The following ADCY10 variants were observed in gnomAD, a reference collection of about 807,000 sequenced individuals.
The protein encoded by ADCY10 is adenylate cyclase type 10.
In ADCY10, 156 loss-of-function variants were observed where a neutral mutation model predicts 183.3. The observed-to-expected ratio is 0.85, with a 90% CI of 0.75 to 0.97. The LOEUF (loss-of-function observed/expected upper bound fraction) is 0.97, where lower values mean the gene tolerates loss of function less well. Among genes scored for constraint, ADCY10 ranks in the 50% least tolerant of loss-of-function variants. The pLI, the probability that ADCY10 is intolerant of heterozygous loss-of-function variation, is 0.00. For synonymous variants in ADCY10, 645 were observed against 670.0 expected (o/e 0.96, Z 0.58); for missense variants, 1,745 against 1,934.3 (o/e 0.90, Z 1.84).
rs1184707974 is a variant in ADCY10 at position 167,824,500 on chromosome 1, C to T, written c.4028G>A (p.Ser1343Asn). 3 of 1,614,186 alleles carry T rather than the reference C, an allele frequency of 1.9e-6. No homozygotes were observed. The highest frequency in any genetic ancestry group is 2.5e-6 in the Non-Finnish European group (3 of 1,180,022). The change falls in exon 28 of 33, where the codon AGC becomes AAC. Residue 1343 changes from serine (S) to asparagine (N), a missense_variant. Physicochemically the swap from Ser to Asn is conservative, Grantham distance 46. Transcript: ENST00000367851. ...NRHYQSLCRLSRCLLLNSRYP... is the reference protein window; with the variant it reads ...NRHYQSLCRLNRCLLLNSRYP... The stretch of plus-strand genomic sequence containing the variant: ...CCTGCTGTTCAGAAGGAGACATCTG[C>T]TAAGTCTGCAGAGGGACTGATAATG...
At chr1:167,832,170 G>T (rs1229767602) in intron 25 of ADCY10, among the ~76,000 whole-genome samples, 1 of 152,164 alleles carries the variant, frequency 6.6e-6, no homozygotes, top group Admixed American at 6.5e-5. Flanking sequence ...TAGCTACAGA[G>T]CTCCCCCAAG....
At chr1:167,821,712 C>A (rs116736441) in intron 30 of ADCY10, among the ~76,000 whole-genome samples, 79 of 152,330 alleles carry the variant, frequency 5.2e-4, no homozygotes, top group African/African-American at 1.8e-3. Context: ...ATTCATTAGT[C>A]TTCCTCAAAC....
chr1:167,819,966 C>T (rs1224136348), intron 30 of ADCY10: 3 of 1,320,014 alleles, frequency 2.3e-6, no homozygotes. Flanking sequence ...CTGTATTCTT[C>T]CATTGTTTTG....
chr1:167,847,398 T>C lies in ADCY10; in HGVS notation c.2437+963A>G, dbSNP rs1333347382. 4.1e-5 allele frequency among the ~76,000 whole-genome samples: 6 copies of C among 144,678 alleles called. No homozygotes were observed. In the East Asian group the frequency reaches 1.2e-3, roughly 30 times the overall value. 94.9% of individuals were successfully genotyped at this position (144,678 alleles called of 152,430 possible). A position where few individuals can be genotyped will look rare whatever the true frequency, so the allele number is the denominator to read the frequency against. On this transcript the variant is annotated intron_variant, in intron 19 of 32. Coordinates refer to ENST00000367851, the MANE Select transcript of ADCY10 (RefSeq NM_018417.6). ...AAGTCATTTTTCTTTAAAAGAATAA[T>C]AATACATCTTTCTTTCTTTCTTTCT...
intron 21 of ADCY10, among the ~76,000 whole-genome samples, chr1:167,843,408 T>C (rs1664793848): frequency 6.6e-6 from 1 of 152,152 alleles, no homozygotes; most frequent in African/African-American, 2.4e-5. Context: ...TCAAATATTC[T>C]TCTTTCCCCT....
chr1:167,863,186 C>A (rs1053902405), intron 14 of ADCY10, among the ~76,000 whole-genome samples: 7 of 152,164 alleles, frequency 4.6e-5, no homozygotes, highest in African/African-American at 1.7e-4. Flanking sequence ...AGGAACCAGA[C>A]CCGAAACCAG....
intron 21 of ADCY10, among the ~76,000 whole-genome samples, chr1:167,840,394 T>C (rs1664535568): frequency 6.7e-6 from 1 of 150,076 alleles, no homozygotes; most frequent in Non-Finnish European, 1.5e-5. Flanking sequence ...TTTCACTCTG[T>C]TGCCTAGGCT....
chr1:167,835,068 G>C (rs1664093326), intron 23 of ADCY10, among the ~76,000 whole-genome samples: 1 of 152,126 alleles, frequency 6.6e-6, no homozygotes, highest in Non-Finnish European at 1.5e-5. Flanking sequence ...AAGGTAGGAG[G>C]GTTGATTAGG....
At position 167,824,768 on chromosome 1, in the gene ADCY10, C is replaced by G. The variant is rs1350184287; in HGVS notation, c.3838G>C (p.Glu1280Gln). ...VWFKYEVMAMEHIFNLPLKGE... is the reference protein window; with the variant it reads ...VWFKYEVMAMQHIFNLPLKGE... ...TTCAGGGGGAGGTTGAAGATGTGCTCCATGGCCATGACTTCATATTTGAAC... is the reference window on the plus strand; with the variant it reads ...TTCAGGGGGAGGTTGAAGATGTGCTGCATGGCCATGACTTCATATTTGAAC... The change falls in exon 27 of 33, where the codon GAG becomes CAG. Residue 1280 changes from glutamate to glutamine, a missense_variant. Glu to Gln is a conservative substitution (Grantham distance 29). Coordinates refer to ENST00000367851, the MANE Select transcript of ADCY10 (RefSeq NM_018417.6). 6.2e-7 allele frequency: 1 copy of G among 1,614,176 alleles called. No individual in the cohort carries two copies. The highest frequency in any genetic ancestry group is 1.3e-5 in the African/African-American group (1 of 75,040).
At chr1:167,887,121 T>C (rs954296335) in intron 8 of ADCY10, among the ~76,000 whole-genome samples, 1 of 152,116 alleles carries the variant, frequency 6.6e-6, no homozygotes, top group Non-Finnish European at 1.5e-5. Flanking sequence ...GTTCAACCAT[T>C]GTGGAAGACA....
chr1:167,855,249 G>A (rs112508155), intron 17 of ADCY10, among the ~76,000 whole-genome samples: 20 of 152,232 alleles, frequency 1.3e-4, no homozygotes, highest in African/African-American at 4.8e-4. Context: ...GAACCCGGGA[G>A]GTGGAGGTTG....
intron 19 of ADCY10, among the ~76,000 whole-genome samples, chr1:167,847,646 T>G (rs758652860): frequency 5.3e-5 from 8 of 152,100 alleles, no homozygotes; most frequent in Non-Finnish European, 1.0e-4. Context: ...TCTCTAGAAC[T>G]TCTGACCTCA....
intron 1 of ADCY10, among the ~76,000 whole-genome samples, chr1:167,912,792 G>A (rs1670236200): frequency 6.6e-6 from 1 of 152,134 alleles, no homozygotes; most frequent in African/African-American, 2.4e-5. Context: ...TCCACTCATC[G>A]GAGCCGTATC....
intron 12 of ADCY10, among the ~76,000 whole-genome samples, chr1:167,877,083 T>G (rs1262710399): frequency 6.6e-6 from 1 of 151,964 alleles, no homozygotes; most frequent in Non-Finnish European, 1.5e-5. Flanking sequence ...TGTTTATTTT[T>G]GCACACCACT....
chr1:167,904,132 G>A (rs1669657877), intron 2 of ADCY10, 141 bp from the exon 3 acceptor site: 1 of 581,214 alleles, frequency 1.7e-6, no homozygotes, highest in Admixed American at 3.0e-5. Flanking sequence ...TTGTAGCCCA[G>A]GCTGGAGGGC....
At chr1:167,853,090 G>GT (rs1358850574) in intron 18 of ADCY10, among the ~76,000 whole-genome samples, 13 of 152,086 alleles carry the variant, frequency 8.5e-5, no homozygotes, top group Non-Finnish European at 1.2e-4. Context: ...TTATTGCACC[G>GT]TATTCACCTC....
Position 167,821,448 on chromosome 1 carries a change from GTCTC to G in ADCY10, c.4286+572_4286+575del, listed in dbSNP as rs568188880. On this transcript the variant is annotated intron_variant, in intron 30 of 32. Transcript: ENST00000367851. ...ATTGGGCAAGTATAACTCAGTCCGT[GTCTC>G]TCTCTATCTTGAGAGCCAGTGAAGC... Among the ~76,000 whole-genome samples the G allele has an allele frequency of 5.1e-4, 77 of 152,324 alleles. 2 individuals carry two copies. Among genetic ancestry groups the G allele is most frequent in the African/African-American group, 1.8e-3 (73 of 41,564 alleles).
At chr1:167,868,758 A>T (rs1206254776) in intron 14 of ADCY10, among the ~76,000 whole-genome samples, 1 of 152,250 alleles carries the variant, frequency 6.6e-6, no homozygotes, top group African/African-American at 2.4e-5. Context: ...AATTAAAAAG[A>T]TGATGAATGA....
At chr1:167,846,901 A>T (rs10918782) in intron 19 of ADCY10, among the ~76,000 whole-genome samples, 6,652 of 151,786 alleles carry the variant, frequency 0.044, 326 homozygotes, top group East Asian at 0.25. Context: ...TGCCCAAAAA[A>T]CACAGTAGAA....
Sources: gnomAD v4.1 joint callset for allele counts (sites outside exome capture counted in the v4.1 genomes callset) on GRCh38, gnomAD v4.1.1 for gene constraint, MANE v1.5 for transcripts, NCBI Gene and HGNC (gene_info 2026-07-23, HGNC 2026-07-21) for gene names.